Variants in PIEZO2 observed in about 807,000 individuals in gnomAD.
PIEZO2 encodes the protein piezo-type mechanosensitive ion channel component 2.
A neutral mutation model predicts 337.3 loss-of-function variants in PIEZO2; 172 were observed. That is an observed-to-expected ratio of 0.51 (90% CI 0.45 to 0.58). The LOEUF (loss-of-function observed/expected upper bound fraction) is 0.58, where lower values mean the gene tolerates loss of function less well. PIEZO2 is among the 20% of genes least tolerant of loss of function. PIEZO2 has a pLI of 0.00. For synonymous variants in PIEZO2, 1,251 were observed against 1,228.5 expected (o/e 1.02, Z -0.38); for missense variants, 3,028 against 3,391.3 (o/e 0.89, Z 2.66).
intron 3 of PIEZO2, among the ~76,000 whole-genome samples, chr18:10,966,810 C>A (rs1002564244): frequency 2.0e-5 from 3 of 151,952 alleles, no homozygotes; most frequent in Non-Finnish European, 2.9e-5. Flanking sequence ...TCCATTGTAT[C>A]ATTCTTATAC....
intron 34 of PIEZO2, among the ~76,000 whole-genome samples, chr18:10,736,039 G>C (rs1439573178): frequency 6.6e-6 from 1 of 152,202 alleles, no homozygotes; most frequent in Non-Finnish European, 1.5e-5. Context: ...CTATAGCTGA[G>C]AATGGGACAG....
chr18:11,067,345 G>A (rs2038186289), intron 1 of PIEZO2, among the ~76,000 whole-genome samples: 1 of 151,938 alleles, frequency 6.6e-6, no homozygotes, highest in Non-Finnish European at 1.5e-5. Context: ...GGCCAATGGA[G>A]AAATCTAGCA....
rs529733655 is a variant in PIEZO2, at chr18:10,884,219, G to A, written c.330-12804C>T. Reference sequence around the variant, plus strand: ...TGTCCTCTAGATTAATCCAGTTGTCGCAAATGAGAGGATTTCCTTCCTTTT... The same window carrying A: ...TGTCCTCTAGATTAATCCAGTTGTCACAAATGAGAGGATTTCCTTCCTTTT... On this transcript the variant is annotated intron_variant, in intron 4 of 55. Coordinates refer to ENST00000674853, the MANE Select transcript of PIEZO2 (RefSeq NM_001378183.1). 4.7e-4 allele frequency among the ~76,000 whole-genome samples: 72 copies of A among 152,216 alleles called. 2 individuals are homozygous for A. The South Asian group carries it at 0.012, about 26-fold the overall frequency.
intron 21 of PIEZO2, among the ~76,000 whole-genome samples, chr18:10,769,538 C>A (rs567746190): frequency 1.2e-4 from 19 of 152,054 alleles, no homozygotes; most frequent in African/African-American, 4.3e-4. Flanking sequence ...TGAATTGTAA[C>A]CAACTCAGAA....
intron 3 of PIEZO2, among the ~76,000 whole-genome samples, chr18:10,935,664 A>C (rs2032352432): frequency 5.9e-5 from 9 of 152,216 alleles, no homozygotes; most frequent in Admixed American, 5.9e-4. Flanking sequence ...GGCTTCTAGC[A>C]AGGCAAACTT....
chr18:10,938,211 A>C (rs1217644850), intron 3 of PIEZO2, among the ~76,000 whole-genome samples: 1 of 152,232 alleles, frequency 6.6e-6, no homozygotes, highest in Non-Finnish European at 1.5e-5. Context: ...GACTGAGGCC[A>C]TTGGTCTTAG....
intron 2 of PIEZO2, among the ~76,000 whole-genome samples, chr18:11,062,748 A>T (rs2038013248): frequency 6.6e-6 from 1 of 152,312 alleles, no homozygotes. Flanking sequence ...ATCATTAAAA[A>T]GTCAGGAAAC....
chr18:10,936,907 C>G (rs2032431563), intron 3 of PIEZO2, among the ~76,000 whole-genome samples: 1 of 152,144 alleles, frequency 6.6e-6, no homozygotes, highest in South Asian at 2.1e-4. Context: ...GTGCTAGAGC[C>G]CTTTAGCTAC....
intron 49 of PIEZO2, among the ~76,000 whole-genome samples, chr18:10,686,525 G>A (rs2034551732): frequency 6.6e-6 from 1 of 152,208 alleles, no homozygotes; most frequent in Non-Finnish European, 1.5e-5. Flanking sequence ...ACTCTTTTTA[G>A]TTGTTGCTCA....
chr18:10,759,691 A>G lies in PIEZO2; in HGVS notation c.3655+14T>C, dbSNP rs1261666250. 6.5e-7 allele frequency: 1 copy of G among 1,537,166 alleles called. No homozygotes were observed. The highest frequency in any genetic ancestry group is 1.2e-5 in the South Asian group (1 of 84,056). ...CTTCTAAAAGTAGACGGCTCAAGGG[A>G]AGGGCAGGCTCACCTCGGCAAGGAG... On this transcript the variant is annotated intron_variant, in intron 25 of 55. Coordinates refer to ENST00000674853, the MANE Select transcript of PIEZO2 (RefSeq NM_001378183.1). This position sits in a 1 kb window ranked among gnomAD's most constrained non-coding sequence, Gnocchi z 5.5.
In PIEZO2 at chr18:10,760,560, C is replaced by T. The variant is rs2038081716; in HGVS notation, c.3450+351G>A. On this transcript the variant is annotated intron_variant, in intron 24 of 55. Transcript: ENST00000674853. ...CCTCAGAAGATCTGCCTGCCTTGGCCTCCCAAAGTGCTGGGATTACAGGCG... is the reference window on the plus strand; with the variant it reads ...CCTCAGAAGATCTGCCTGCCTTGGCTTCCCAAAGTGCTGGGATTACAGGCG... 2.0e-5 allele frequency among the ~76,000 whole-genome samples: 3 copies of T among 152,206 alleles called. No individual in the cohort carries two copies. In the South Asian group the frequency reaches 6.2e-4, roughly 32 times the overall value.
At position 11,148,758 on chromosome 18, in the gene PIEZO2, G is replaced by C. The variant is rs1035810483; in HGVS notation, c.-170C>G. On this transcript the variant is annotated 5_prime_UTR_variant, in exon 1 of 56. Coordinates refer to ENST00000674853, the MANE Select transcript of PIEZO2 (RefSeq NM_001378183.1). The surrounding 1 kb of genome is among the most constrained non-coding windows in gnomAD (Gnocchi z 5.2). ...CTCTCCGCCCCGAGGGCACGCTCCC[G>C]GGGCTCTTGGCCGCCCCTCGCCCAC... 6 of 634,972 alleles carry C rather than the reference G, an allele frequency of 9.4e-6. No homozygotes were observed. The East Asian group carries it at 1.9e-4, about 20-fold the overall frequency. 39.3% of individuals were successfully genotyped at this position (634,972 alleles called of 1,614,324 possible).
At chr18:11,137,892 A>G (rs2040536630) in intron 1 of PIEZO2, among the ~76,000 whole-genome samples, 1 of 152,250 alleles carries the variant, frequency 6.6e-6, no homozygotes. Context: ...ATTTTTAAAA[A>G]TAATATGCAT....
chr18:10,843,887 C>T (rs931883648), intron 7 of PIEZO2, among the ~76,000 whole-genome samples: 5 of 152,210 alleles, frequency 3.3e-5, no homozygotes, highest in African/African-American at 1.2e-4. Context: ...CTCATGCAGG[C>T]TCAAATTGCT....
At chr18:10,874,968 T>A (rs189992297) in intron 4 of PIEZO2, among the ~76,000 whole-genome samples, 35 of 152,350 alleles carry the variant, frequency 2.3e-4, no homozygotes, top group Admixed American at 7.8e-4. Context: ...AGATTTAAAA[T>A]ATTCCCAACA....
At chr18:10,769,405 C>T (rs756339935) in intron 21 of PIEZO2, among the ~76,000 whole-genome samples, 1 of 152,138 alleles carries the variant, frequency 6.6e-6, no homozygotes, top group Non-Finnish European at 1.5e-5. Context: ...CTCTTAGCTA[C>T]CTATTTGTGA....
Position 10,903,149 on chromosome 18 carries a change from T to C in PIEZO2, c.329+8037A>G, listed in dbSNP as rs896375137. ...TTATTCACCAAGTTGTAACTTCGAA[T>C]TCTACTTACCTAAAATGCGTTTGGC... On this transcript the variant is annotated intron_variant, in intron 4 of 55. Transcript: ENST00000674853. This position sits in a 1 kb window ranked among gnomAD's most constrained non-coding sequence, Gnocchi z 4.1. Among the ~76,000 whole-genome samples, 2 of 152,172 alleles carry C rather than the reference T, an allele frequency of 1.3e-5. No individual in the cohort carries two copies. Among genetic ancestry groups the C allele is most frequent in the Non-Finnish European group, 2.9e-5 (2 of 68,028 alleles).
chr18:10,853,346 A>G lies in PIEZO2; in HGVS notation c.917+2007T>C, dbSNP rs1290757167. On this transcript the variant is annotated intron_variant, in intron 7 of 55. Transcript: ENST00000674853. This position sits in a 1 kb window ranked among gnomAD's most constrained non-coding sequence, Gnocchi z 4.2. ...CAAGTCGCCTGCTTAGCCCACTTCCAAGTGTACTTCACTTCCTTTCATTCC... is the reference window on the plus strand; with the variant it reads ...CAAGTCGCCTGCTTAGCCCACTTCCGAGTGTACTTCACTTCCTTTCATTCC... Among the ~76,000 whole-genome samples, 1 of 152,190 alleles carries G rather than the reference A, an allele frequency of 6.6e-6. No homozygotes were observed.
At position 10,888,712 on chromosome 18, in the gene PIEZO2, T is replaced by G. The variant is rs966930027; in HGVS notation, c.330-17297A>C. Among the ~76,000 whole-genome samples the G allele has an allele frequency of 2.6e-5, 4 of 152,192 alleles. No individual in the cohort carries two copies. The highest frequency in any genetic ancestry group is 5.9e-5 in the Non-Finnish European group (4 of 68,042). ...TCTGCTTTGTAAATCTTTGCTCTGA[T>G]AGTGACAAACATGGCTCCCATTATC... is the stretch of plus-strand genomic sequence containing the variant. On this transcript the variant is annotated intron_variant, in intron 4 of 55. Transcript: ENST00000674853. This position sits in a 1 kb window ranked among gnomAD's most constrained non-coding sequence, Gnocchi z 4.1.
Sources: gnomAD v4.1 joint callset for allele counts (sites outside exome capture counted in the v4.1 genomes callset) on GRCh38, gnomAD v4.1.1 for gene constraint, Gnocchi (gnomAD v3.1) non-coding constraint, MANE v1.5 for transcripts, NCBI Gene and HGNC (gene_info 2026-07-23, HGNC 2026-07-21) for gene names.